The following CACNA2D3 variants were observed in gnomAD, a reference collection of about 807,000 sequenced individuals.
CACNA2D3 encodes the protein calcium voltage-gated channel auxiliary subunit alpha2delta 3.
In CACNA2D3, 60 loss-of-function variants were observed where a neutral mutation model predicts 160.6. The ratio of observed to expected loss-of-function variants is 0.37; its 90% CI spans 0.30 to 0.46. The LOEUF (loss-of-function observed/expected upper bound fraction) is 0.46. Ranked by LOEUF, CACNA2D3 falls within the 20% of genes least tolerant of loss-of-function variation. The probability of loss-of-function intolerance (pLI) is 1.00; values close to 1 mark genes in which losing one functional copy is unlikely to be tolerated. For synonymous variants in CACNA2D3, 558 were observed against 492.9 expected, an observed-to-expected ratio of 1.13 and a Z score of -1.75; for missense variants, 1,205 against 1,365.0, an observed-to-expected ratio of 0.88 and a Z score of 1.85.
At chr3:54,490,611 C>G (rs1281242949) in intron 4 of CACNA2D3, among the ~76,000 whole-genome samples, 1 of 152,202 alleles carries the variant, frequency 6.6e-6, no homozygotes, top group South Asian at 2.1e-4. Flanking sequence ...CCTCTGGGCA[C>G]TGTGCCTGGT....
chr3:54,855,172 G>C (rs1699141682), intron 17 of CACNA2D3, among the ~76,000 whole-genome samples: 1 of 152,184 alleles, frequency 6.6e-6, no homozygotes, highest in Admixed American at 6.5e-5. Flanking sequence ...CTCTGGGTCT[G>C]CTGAGTGGGG....
At chr3:54,632,897 A>G (rs1699274497) in intron 10 of CACNA2D3, 2 of 152,276 alleles carry the variant, frequency 1.3e-5, no homozygotes, top group East Asian at 1.9e-4. Flanking sequence ...AGACAGTAGA[A>G]TAGTGGTCGC....
intron 2 of CACNA2D3, among the ~76,000 whole-genome samples, chr3:54,265,657 GTGTATA>G (rs1702495174): frequency 2.0e-5 from 1 of 49,428 alleles, no homozygotes; most frequent in African/African-American, 5.2e-5. Flanking sequence ...TATATATATA[GTGTATA>G]TATATAGTGT....
chr3:54,947,287 A>G (rs746123782), intron 27 of CACNA2D3, among the ~76,000 whole-genome samples: 3 of 152,206 alleles, frequency 2.0e-5, no homozygotes, highest in Admixed American at 1.3e-4. Flanking sequence ...CTTTTCCAGT[A>G]GACCAAGAAA....
At chr3:54,689,675 T>G (rs1371578195) in intron 11 of CACNA2D3, among the ~76,000 whole-genome samples, 1 of 151,992 alleles carries the variant, frequency 6.6e-6, no homozygotes, top group Non-Finnish European at 1.5e-5. Context: ...CCTCAACAAG[T>G]GAATTAGTCA....
At chr3:54,908,294 G>A (rs1024103111) in intron 27 of CACNA2D3, among the ~76,000 whole-genome samples, 11 of 152,246 alleles carry the variant, frequency 7.2e-5, no homozygotes, top group African/African-American at 2.6e-4. Flanking sequence ...ATCTTTTCGT[G>A]TGCTTACTTG....
chr3:54,362,532 A>C (rs1698761104), intron 3 of CACNA2D3, among the ~76,000 whole-genome samples: 1 of 152,196 alleles, frequency 6.6e-6, no homozygotes. Flanking sequence ...TGTGCAGCAC[A>C]TATTGACCAG....
chr3:55,022,065 A>G (rs1369435470), intron 35 of CACNA2D3, among the ~76,000 whole-genome samples: 2 of 152,104 alleles, frequency 1.3e-5, no homozygotes, highest in Non-Finnish European at 2.9e-5. Flanking sequence ...TTTAGATGTC[A>G]GTTAATCTCT....
At chr3:54,303,818 GTTTTTTTTTT>G (rs71617795) in intron 2 of CACNA2D3, among the ~76,000 whole-genome samples, 27 of 115,016 alleles carry the variant, frequency 2.3e-4, no homozygotes, top group African/African-American at 7.8e-4. Context: ...CTTTTTTTCT[GTTTTTTTTTT>G]TTTTTTTTTT....
At chr3:54,942,668 C>T (rs939357962) in intron 27 of CACNA2D3, among the ~76,000 whole-genome samples, 4 of 152,034 alleles carry the variant, frequency 2.6e-5, no homozygotes, top group African/African-American at 9.7e-5. Context: ...CCAGAAGGAT[C>T]ATTTGAGGAC....
At chr3:54,460,075 G>C (rs1327998990) in intron 4 of CACNA2D3, among the ~76,000 whole-genome samples, 6 of 150,768 alleles carry the variant, frequency 4.0e-5, no homozygotes, top group African/African-American at 1.2e-4. Context: ...TCAAAGATCA[G>C]ATAGTTGTAG....
At chr3:54,355,677 T>C (rs1698636081) in intron 3 of CACNA2D3, among the ~76,000 whole-genome samples, 1 of 152,142 alleles carries the variant, frequency 6.6e-6, no homozygotes, top group Admixed American at 6.5e-5. Flanking sequence ...CCTGGAGATG[T>C]AAAAGATGCC....
chr3:54,554,643 T>TCTC (rs1575342624), intron 5 of CACNA2D3, among the ~76,000 whole-genome samples: 2 of 152,184 alleles, frequency 1.3e-5, no homozygotes, highest in South Asian at 2.1e-4. Context: ...ATCTGGCTTC[T>TCTC]ACAGATGAAG....
rs183742700 is a variant in CACNA2D3, at chr3:54,244,015, A to G, written c.205-76427A>G. ...CTGCTCCCCCCGTCCTGTGCTGGAA[A>G]CAGACCTGACCACCTGATGATAGCA... On this transcript the variant is annotated intron_variant, in intron 2 of 37. Transcript: ENST00000474759. Among the ~76,000 whole-genome samples, 10 of 152,316 alleles carry G rather than the reference A, an allele frequency of 6.6e-5. No homozygotes were observed. The East Asian group carries it at 1.2e-3, about 18-fold the overall frequency.
At chr3:54,550,855 A>G (rs528554932) in intron 5 of CACNA2D3, among the ~76,000 whole-genome samples, 3 of 152,116 alleles carry the variant, frequency 2.0e-5, no homozygotes, top group African/African-American at 7.2e-5. Context: ...ACCTGCCTTC[A>G]GTGCAAAACC....
intron 3 of CACNA2D3, among the ~76,000 whole-genome samples, chr3:54,383,136 C>T (rs1247089165): frequency 1.3e-5 from 2 of 152,178 alleles, no homozygotes; most frequent in Non-Finnish European, 2.9e-5. Context: ...CACACCCAGC[C>T]TGTTTTAGGT....
chr3:54,160,958 A>G (rs1700333052), intron 2 of CACNA2D3, among the ~76,000 whole-genome samples: 1 of 152,220 alleles, frequency 6.6e-6, no homozygotes, highest in Admixed American at 6.5e-5. Flanking sequence ...GCAAAGGCGA[A>G]GTCCAGCAGG....
chr3:54,851,863 T>C (rs1011962634), intron 17 of CACNA2D3, among the ~76,000 whole-genome samples: 4 of 152,244 alleles, frequency 2.6e-5, no homozygotes, highest in African/African-American at 9.6e-5. Flanking sequence ...ATCTTTGAAA[T>C]ATGATGTGTA....
At chr3:54,691,291 TCTG>T (rs1237572649) in intron 11 of CACNA2D3, among the ~76,000 whole-genome samples, 3 of 152,218 alleles carry the variant, frequency 2.0e-5, no homozygotes, top group Non-Finnish European at 4.4e-5. Context: ...CACTGACTCT[TCTG>T]CTCCCCTCCC....
Sources: gnomAD v4.1 joint callset for allele counts (sites outside exome capture counted in the v4.1 genomes callset) on GRCh38, gnomAD v4.1.1 for gene constraint, MANE v1.5 for transcripts, NCBI Gene and HGNC (gene_info 2026-07-23, HGNC 2026-07-21) for gene names.